The following ZNF528 variants were observed in gnomAD, a reference collection of about 807,000 sequenced individuals.
ZNF528 encodes the protein zinc finger protein 528.
Under a neutral mutation model 13.3 loss-of-function variants are expected in ZNF528, and 9 were observed. The observed-to-expected ratio is 0.67, with a 90% CI of 0.41 to 1.18. The LOEUF (loss-of-function observed/expected upper bound fraction) is 1.18. ZNF528 is among the 50% of genes most tolerant of loss of function. ZNF528 has a pLI of 0.01. For synonymous variants in ZNF528, 264 were observed against 254.3 expected (o/e 1.04, Z -0.36); for missense variants, 858 against 745.4 (o/e 1.15, Z -1.76).
Position 52,417,122 on chromosome 19 carries a change from G to A in ZNF528, c.*383G>A, listed in dbSNP as rs1454934135. 3 of 241,636 alleles carry A rather than the reference G, an allele frequency of 1.2e-5. No individual in the cohort carries two copies. Among genetic ancestry groups the A allele is most frequent in the African/African-American group, 2.3e-5 (1 of 43,794 alleles). 15.0% of individuals were successfully genotyped at this position (241,636 alleles called of 1,614,324 possible). ...GCTTGTAAATGACCAGTTTTATTCA[G>A]GCTATAAAGCATTCAATTATTTGGG... On this transcript the variant is annotated 3_prime_UTR_variant, in exon 7 of 7. Coordinates refer to ENST00000360465, the MANE Select transcript of ZNF528 (RefSeq NM_032423.3).
chr19:52,404,144 T>C lies in ZNF528; in HGVS notation c.16-1763T>C, dbSNP rs192915226. ...GGATCCCATGCTTACACTGCCATTG[T>C]TAGTCCTGACACCTGGGGCGAGTTT... On this transcript the variant is annotated intron_variant, in intron 4 of 6. Transcript: ENST00000360465. Among the ~76,000 whole-genome samples the C allele has an allele frequency of 1.1e-4, 16 of 152,336 alleles. 1 individual carries two copies. The highest frequency in any genetic ancestry group is 5.9e-4 in the Admixed American group (9 of 15,294).
intron 3 of ZNF528, 27 bp from the exon 4 acceptor site, chr19:52,401,920 C>T (rs1243765712): frequency 6.2e-7 from 1 of 1,606,374 alleles, no homozygotes; most frequent in Non-Finnish European, 8.5e-7. Context: ...GATTCTAAGC[C>T]CTAAGCAGCA....
rs1186066935 is a variant in ZNF528 at position 52,416,090 on chromosome 19, A to G, written c.1238A>G (p.Gln413Arg). Residue 413 changes from glutamine (Q) to arginine (R), a missense_variant, in exon 7 of 7, where the codon CAG becomes CGG. Gln to Arg is a conservative substitution (Grantham distance 43). Transcript: ENST00000360465. ...HTRERPYGCS[Q>R]CGKIFSQKSD... is the part of the protein sequence containing the mutation. Reference sequence around the variant, plus strand: ...AGAGAGAGACCTTATGGATGCAGTCAGTGTGGCAAGATCTTTAGTCAGAAA... The same window carrying G: ...AGAGAGAGACCTTATGGATGCAGTCGGTGTGGCAAGATCTTTAGTCAGAAA... The G allele has an allele frequency of 1.2e-6, 2 of 1,614,050 alleles. No individual in the cohort carries two copies. Among genetic ancestry groups the G allele is most frequent in the Admixed American group, 1.7e-5 (1 of 60,026 alleles).
chr19:52,414,659 A>G, intron 6 of ZNF528: 4 of 381,054 alleles, frequency 1.0e-5, no homozygotes, highest in South Asian at 9.5e-5. Context: ...CATTCATGAT[A>G]GTTTGTTGTT....
Position 52,416,731 on chromosome 19 carries a change from C to G in ZNF528, c.1879C>G (p.His627Asp). The G allele has an allele frequency of 6.4e-7, 1 of 1,567,118 alleles. No individual in the cohort carries two copies. Among genetic ancestry groups the G allele is most frequent in the Non-Finnish European group, 8.7e-7 (1 of 1,154,668 alleles). Residue 627 changes from histidine (H) to aspartate (D), a missense_variant, in exon 7 of 7, where the codon CAT becomes GAT. Physicochemically the swap from His to Asp is moderately conservative, Grantham distance 81. Coordinates refer to ENST00000360465, the MANE Select transcript of ZNF528 (RefSeq NM_032423.3). ...TGACCTTGCACAGCATCAGAGAGTT[C>G]ATTCATGAGAGTCCCTACAAACTGT... The part of the protein sequence containing the change: ...NSDLAQHQRV[H>D]S
chr19:52,406,058 C>G, intron 5 of ZNF528, 25 bp downstream of exon 5: 1 of 1,599,100 alleles, frequency 6.3e-7, no homozygotes, highest in African/African-American at 1.3e-5. Flanking sequence ...CCCTCAGAAG[C>G]CGGGATCTGC....
chr19:52,415,584 T>G lies in ZNF528; in HGVS notation c.732T>G (p.His244Gln). Residue 244 changes from histidine to glutamine, a missense_variant, in exon 7 of 7, where the codon CAT (histidine) becomes CAG (glutamine). His to Gln is a conservative substitution (Grantham distance 24). Coordinates refer to ENST00000360465, the MANE Select transcript of ZNF528 (RefSeq NM_032423.3). ...CTGGAGAGAAGCCTTACAAATGTCATGAATGTGGCAAGCTCTTCAGTAGCA... is the reference window on the plus strand; with the variant it reads ...CTGGAGAGAAGCCTTACAAATGTCAGGAATGTGGCAAGCTCTTCAGTAGCA... ...MHTGEKPYKCHECGKLFSSNS... is the reference protein window; with the variant it reads ...MHTGEKPYKCQECGKLFSSNS... 1 of 1,614,154 alleles carries G rather than the reference T, an allele frequency of 6.2e-7. No individual in the cohort carries two copies. The highest frequency in any genetic ancestry group is 1.1e-5 in the South Asian group (1 of 91,084).
chr19:52,405,848 C>G (rs748959900), intron 4 of ZNF528, 59 bp from the exon 5 acceptor site: 28 of 1,591,842 alleles, frequency 1.8e-5, no homozygotes, highest in Non-Finnish European at 2.3e-5. Context: ...TCTTCCCATT[C>G]TTTGTGACGA....
At chr19:52,406,483 C>G (rs764589316) in intron 5 of ZNF528, 32 bp from the exon 6 acceptor site, 2 of 1,606,262 alleles carry the variant, frequency 1.2e-6, no homozygotes, top group African/African-American at 1.3e-5. Context: ...GGAGATGCCA[C>G]AGCACACATT....
intron 6 of ZNF528, chr19:52,414,874 C>A: frequency 7.4e-7 from 1 of 1,348,156 alleles, no homozygotes; most frequent in Non-Finnish European, 1.0e-6. Context: ...AGTTTTCAGT[C>A]TCTGTTGTAT....
intron 6 of ZNF528, chr19:52,414,044 A>T (rs2058966072): frequency 5.1e-6 from 3 of 586,200 alleles, no homozygotes; most frequent in Non-Finnish European, 9.2e-6. Flanking sequence ...TTTTCAACAG[A>T]CAAGTTCTGC....
At chr19:52,414,533 G>T in intron 6 of ZNF528, 1 of 549,194 alleles carries the variant, frequency 1.8e-6, no homozygotes, top group South Asian at 2.2e-5. Context: ...TGCATTCTTT[G>T]AACAATAGAC....
intron 2 of ZNF528, 21 bp from the exon 3 acceptor site, chr19:52,401,664 T>C (rs2058795961): frequency 2.9e-6 from 2 of 682,100 alleles, no homozygotes; most frequent in Non-Finnish European, 3.7e-6. Flanking sequence ...AAGAATTGCT[T>C]TTTTTTTTTT....
chr19:52,399,967 G>A (rs1440686861), intron 2 of ZNF528, among the ~76,000 whole-genome samples: 1 of 152,064 alleles, frequency 6.6e-6, no homozygotes, highest in Non-Finnish European at 1.5e-5. Flanking sequence ...AAAACAGTGT[G>A]GTTTTTTCCT....
At chr19:52,400,257 C>G (rs2058776427) in intron 2 of ZNF528, among the ~76,000 whole-genome samples, 1 of 151,738 alleles carries the variant, frequency 6.6e-6, no homozygotes, top group Non-Finnish European at 1.5e-5. Flanking sequence ...CACACACACA[C>G]ACACACACGC....
intron 6 of ZNF528, chr19:52,414,312 C>T (rs901768110): frequency 1.0e-5 from 7 of 702,396 alleles, no homozygotes; most frequent in African/African-American, 1.7e-5. Flanking sequence ...CAGTTGCCAC[C>T]TGCACAGACC....
intron 6 of ZNF528, chr19:52,414,544 T>G (rs1279376030): frequency 3.8e-6 from 2 of 531,638 alleles, no homozygotes; most frequent in African/African-American, 3.8e-5. Context: ...AACAATAGAC[T>G]GTAGATGTCC....
At chr19:52,402,144 AC>A (rs772372768) in intron 4 of ZNF528, 116 bp downstream of exon 4, 15 of 1,438,842 alleles carry the variant, frequency 1.0e-5, no homozygotes, top group Middle Eastern at 1.8e-4. Context: ...GCTTGCACTT[AC>A]CCATGGCTTC....
At chr19:52,400,315 A>G (rs960208176) in intron 2 of ZNF528, among the ~76,000 whole-genome samples, 1 of 151,940 alleles carries the variant, frequency 6.6e-6, no homozygotes, top group Non-Finnish European at 1.5e-5. Context: ...ACAAAGTATT[A>G]GCTACATTTT....
Sources: gnomAD v4.1 joint callset for allele counts (sites outside exome capture counted in the v4.1 genomes callset) on GRCh38, gnomAD v4.1.1 for gene constraint, MANE v1.5 for transcripts, NCBI Gene and HGNC (gene_info 2026-07-23, HGNC 2026-07-21) for gene names.